ARHGAP35: variants seen among roughly 807,000 people sequenced by gnomAD.
ARHGAP35 encodes Rho GTPase activating protein 35, also known as rho GTPase-activating protein 35.
A neutral mutation model predicts 111.1 loss-of-function variants in ARHGAP35; 15 were observed. The ratio of observed to expected loss-of-function variants is 0.13; its 90% CI spans 0.09 to 0.21. The LOEUF (loss-of-function observed/expected upper bound fraction) is 0.21, where lower values mean the gene tolerates loss of function less well. Among genes scored for constraint, ARHGAP35 ranks in the 10% least tolerant of loss-of-function variants. The pLI, the probability that ARHGAP35 is intolerant of heterozygous loss-of-function variation, is 1.00. For synonymous variants in ARHGAP35, 643 were observed against 710.3 expected (o/e 0.91, Z 1.51); for missense variants, 1,262 against 1,873.0 (o/e 0.67, Z 6.02).
intron 1 of ARHGAP35, among the ~76,000 whole-genome samples, chr19:46,899,377 G>A (rs1175729850): frequency 1.3e-5 from 2 of 152,178 alleles, no homozygotes; most frequent in African/African-American, 4.8e-5. Context: ...ATTGGATTGA[G>A]ATTGTGGTAG....
Position 46,921,194 on chromosome 19 carries a change from A to G in ARHGAP35, c.2519A>G (p.Tyr840Cys). ...KKRIELSVLS[Y>C]HSSFSIRKSR... ...CGGATTGAACTGTCTGTTCTTTCAT[A>G]CCATTCCTCCTTTAGCATCAGAAAG... is the stretch of plus-strand genomic sequence containing the variant. Residue 840 changes from tyrosine to cysteine, a missense_variant, in exon 2 of 7, where the codon TAC becomes TGC. Tyr to Cys is a radical substitution (Grantham distance 194). Transcript: ENST00000672722. This position sits in a 1 kb window ranked among gnomAD's most constrained non-coding sequence, Gnocchi z 4.3. The G allele has an allele frequency of 6.2e-7, 1 of 1,614,004 alleles. No homozygotes were observed. Among genetic ancestry groups the G allele is most frequent in the Non-Finnish European group, 8.5e-7 (1 of 1,179,900 alleles).
chr19:46,928,175 G>C (rs1301916667), intron 2 of ARHGAP35, among the ~76,000 whole-genome samples: 1 of 152,080 alleles, frequency 6.6e-6, no homozygotes. Context: ...TGTTTTTGGT[G>C]ATAAAAATAG....
intron 3 of ARHGAP35, among the ~76,000 whole-genome samples, chr19:46,962,600 C>G (rs755123093): frequency 1.2e-4 from 18 of 152,154 alleles, no homozygotes; most frequent in Non-Finnish European, 2.6e-4. Context: ...TCTGGCCAAC[C>G]TCTCATTCTT....
chr19:46,979,941 C>T (rs938503117), intron 3 of ARHGAP35, among the ~76,000 whole-genome samples: 5 of 152,126 alleles, frequency 3.3e-5, no homozygotes, highest in African/African-American at 7.2e-5. Context: ...AGGCACCTCC[C>T]GAGCAGGAAG....
At chr19:46,903,350 T>C (rs995995825) in intron 1 of ARHGAP35, among the ~76,000 whole-genome samples, 2 of 152,178 alleles carry the variant, frequency 1.3e-5, no homozygotes, top group African/African-American at 4.8e-5. Flanking sequence ...TGTACGTTGT[T>C]GTGCATTGAT....
chr19:46,921,335 C>T lies in ARHGAP35; in HGVS notation c.2660C>T (p.Ala887Val). The T allele has an allele frequency of 6.2e-7, 1 of 1,613,932 alleles. No homozygotes were observed. Among genetic ancestry groups the T allele is most frequent in the African/African-American group, 1.3e-5 (1 of 75,008 alleles). Residue 887 changes from alanine to valine, a missense_variant, in exon 2 of 7, where the codon GCA becomes GTA. Coordinates refer to ENST00000672722, the MANE Select transcript of ARHGAP35 (RefSeq NM_004491.5). This position sits in a 1 kb window ranked among gnomAD's most constrained non-coding sequence, Gnocchi z 4.3. ...VQDIIPIQLVALTDGAVDVLD... is the reference protein window; with the variant it reads ...VQDIIPIQLVVLTDGAVDVLD... ...GATATTATCCCTATTCAGCTTGTAG[C>T]ACTCACTGATGGCGCTGTAGATGTC... is the stretch of plus-strand genomic sequence containing the variant.
chr19:46,882,729 A>G (rs561346029), intron 1 of ARHGAP35, among the ~76,000 whole-genome samples: 11 of 151,616 alleles, frequency 7.3e-5, no homozygotes, highest in Middle Eastern at 3.4e-3. Flanking sequence ...TTCAACTCCC[A>G]CTTTTGAGTG....
chr19:46,920,546 A>T lies in ARHGAP35; in HGVS notation c.1871A>T (p.Asp624Val). ...ATTCGAGCTCTTTGTACAAATGATGACAAGTATGTGATAGATGGTAAAATG... is the reference window on the plus strand; with the variant it reads ...ATTCGAGCTCTTTGTACAAATGATGTCAAGTATGTGATAGATGGTAAAATG... ...NEIRALCTND[D>V]KYVIDGKMYE... is the part of the protein sequence containing the mutation. Residue 624 changes from aspartate to valine, a missense_variant, in exon 2 of 7, where the codon GAC becomes GTC. Physicochemically the swap from Asp to Val is radical, Grantham distance 152 (BLOSUM62 -3). This residue lies in a region of ARHGAP35 where 37 missense variants were observed against 83.9 expected (regional missense o/e 0.44). Transcript: ENST00000672722. The surrounding 1 kb of genome is among the most constrained non-coding windows in gnomAD (Gnocchi z 7.0). The T allele has an allele frequency of 1.2e-6, 2 of 1,614,020 alleles. No homozygotes were observed. The highest frequency in any genetic ancestry group is 1.7e-6 in the Non-Finnish European group (2 of 1,179,858).
intron 3 of ARHGAP35, among the ~76,000 whole-genome samples, chr19:46,962,707 A>G (rs2056491597): frequency 6.6e-6 from 1 of 152,146 alleles, no homozygotes; most frequent in Non-Finnish European, 1.5e-5. Flanking sequence ...CCCAGGTTCC[A>G]GTGATTCTCC....
chr19:46,866,701 G>T (rs532862456), intron 1 of ARHGAP35, among the ~76,000 whole-genome samples: 12 of 151,966 alleles, frequency 7.9e-5, no homozygotes, highest in Non-Finnish European at 1.8e-4. Context: ...TCTGTGTAGG[G>T]GGCTCTTTCC....
chr19:46,884,468 T>C (rs2122140850), intron 1 of ARHGAP35, among the ~76,000 whole-genome samples: 1 of 151,194 alleles, frequency 6.6e-6, no homozygotes, highest in South Asian at 2.1e-4. Flanking sequence ...CTTAGTTTTC[T>C]CATCTATAAA....
intron 1 of ARHGAP35, among the ~76,000 whole-genome samples, chr19:46,865,053 C>T (rs776725399): frequency 6.6e-6 from 1 of 152,086 alleles, no homozygotes; most frequent in African/African-American, 2.4e-5. Context: ...AACTGGTAAC[C>T]GATGTTCTTA....
At position 46,999,938 on chromosome 19, in the gene ARHGAP35, C is replaced by T. The variant is rs1052360028; in HGVS notation, c.4143-393C>T. 2.5e-5 allele frequency: 6 copies of T among 243,432 alleles called. No homozygotes were observed. Among genetic ancestry groups the T allele is most frequent in the African/African-American group, 1.1e-4 (5 of 44,572 alleles). The allele number at this position is 243,432 out of a possible 1,614,324, so 15.1% of individuals were successfully genotyped here. A position where few individuals can be genotyped will look rare whatever the true frequency, so the allele number is the denominator to read the frequency against. On this transcript the variant is annotated intron_variant, in intron 6 of 6. Coordinates refer to ENST00000672722, the MANE Select transcript of ARHGAP35 (RefSeq NM_004491.5). The surrounding 1 kb of genome is among the most constrained non-coding windows in gnomAD (Gnocchi z 5.4). ...GCCGTATGGTTGTTCCCTGAAGTTC[C>T]ATGTGTGTGGAGGAGATCTGCTGGC...
chr19:46,923,673 C>A (rs1412996409), intron 2 of ARHGAP35, among the ~76,000 whole-genome samples: 1 of 151,782 alleles, frequency 6.6e-6, no homozygotes, highest in East Asian at 1.9e-4. Context: ...AATCCCAGCA[C>A]TTTTGGAGGC....
At chr19:46,998,313 A>G (rs971246789) in intron 5 of ARHGAP35, among the ~76,000 whole-genome samples, 3 of 152,100 alleles carry the variant, frequency 2.0e-5, no homozygotes, top group African/African-American at 7.2e-5. Context: ...GCCAGCTGTG[A>G]GGTCGCTGCC....
At position 46,921,287 on chromosome 19, in the gene ARHGAP35, G is replaced by A; in HGVS notation, c.2612G>A (p.Arg871His). The A allele has an allele frequency of 6.2e-7, 1 of 1,613,886 alleles. No individual in the cohort carries two copies. Among genetic ancestry groups the A allele is most frequent in the Non-Finnish European group, 8.5e-7 (1 of 1,179,884 alleles). Residue 871 changes from arginine (R) to histidine (H), a missense_variant, in exon 2 of 7, where the codon CGT becomes CAT. Physicochemically the swap from Arg to His is conservative, Grantham distance 29 (BLOSUM62 0). Coordinates refer to ENST00000672722, the MANE Select transcript of ARHGAP35 (RefSeq NM_004491.5). This position sits in a 1 kb window ranked among gnomAD's most constrained non-coding sequence, Gnocchi z 4.3. ...AKRKASLAML[R>H]AFLCEVQDII... is the part of the protein sequence containing the mutation. ...CGTAAGGCCTCTTTGGCTATGTTACGTGCCTTTCTTTGTGAAGTGCAGGAT... is the reference window on the plus strand; with the variant it reads ...CGTAAGGCCTCTTTGGCTATGTTACATGCCTTTCTTTGTGAAGTGCAGGAT...
intron 2 of ARHGAP35, among the ~76,000 whole-genome samples, chr19:46,927,719 G>A (rs2056246764): frequency 1.3e-5 from 2 of 152,114 alleles, no homozygotes; most frequent in African/African-American, 2.4e-5. Context: ...TCTTAATGAG[G>A]TGATGTTTTT....
At chr19:46,907,336 G>C (rs1379336939) in intron 1 of ARHGAP35, among the ~76,000 whole-genome samples, 1 of 151,546 alleles carries the variant, frequency 6.6e-6, no homozygotes, top group Non-Finnish European at 1.5e-5. Flanking sequence ...ATTTTTGGTA[G>C]AGACGGGATT....
chr19:46,959,409 TTTTTTG>T (rs1217050546), intron 3 of ARHGAP35, among the ~76,000 whole-genome samples: 1 of 151,600 alleles, frequency 6.6e-6, no homozygotes, highest in Non-Finnish European at 1.5e-5. Flanking sequence ...TTATTTTTAT[TTTTTTG>T]AGACAAGAGT....
Sources: allele counts gnomAD v4.1 joint callset (sites outside exome capture counted in the v4.1 genomes callset), GRCh38; gene constraint gnomAD v4.1.1; regional missense constraint gnomAD v4.1.1; non-coding constraint Gnocchi (gnomAD v3.1); transcripts MANE v1.5; gene names NCBI Gene and HGNC (gene_info 2026-07-23, HGNC 2026-07-21).